Variants in EHMT1 observed in about 807,000 individuals in gnomAD.
EHMT1 encodes euchromatic histone lysine methyltransferase 1, also known as histone-lysine N-methyltransferase EHMT1.
EHMT1 carries 15 observed loss-of-function variants against 147.2 expected under a neutral mutation model. The ratio of observed to expected loss-of-function variants is 0.10; its 90% CI spans 0.07 to 0.16. EHMT1 has a LOEUF of 0.16. Among genes scored for constraint, EHMT1 ranks in the 10% least tolerant of loss-of-function variants. The pLI is 1.00. For synonymous variants in EHMT1, 795 were observed against 709.6 expected, an observed-to-expected ratio of 1.12 and a Z score of -1.91; for missense variants, 1,587 against 1,772.4, an observed-to-expected ratio of 0.90 and a Z score of 1.88.
intron 9 of EHMT1, among the ~76,000 whole-genome samples, chr9:137,761,689 C>T (rs1949832292): frequency 6.6e-6 from 1 of 152,110 alleles, no homozygotes; most frequent in South Asian, 2.1e-4. Context: ...GATCTCCTGA[C>T]CTCGTGATCT....
chr9:137,691,425 G>T lies in EHMT1; in HGVS notation c.22-19542G>T, dbSNP rs559087473. ...ATTCCTGAGCTCAAGTGATCTGCCC[G>T]CCTCAGCCTCCCAAAGTGCTGAGAT... On this transcript the variant is annotated intron_variant, in intron 1 of 26. Coordinates refer to ENST00000460843, the MANE Select transcript of EHMT1 (RefSeq NM_024757.5). Among the ~76,000 whole-genome samples, 17 of 150,860 alleles carry T rather than the reference G, an allele frequency of 1.1e-4. No individual in the cohort carries two copies. The East Asian group carries it at 3.3e-3, about 29-fold the overall frequency.
intron 1 of EHMT1, among the ~76,000 whole-genome samples, chr9:137,654,305 C>T (rs983829335): frequency 5.9e-5 from 9 of 151,806 alleles, no homozygotes; most frequent in South Asian, 2.1e-4. Flanking sequence ...TGGAGGTTGC[C>T]GTGAGCTGAG....
intron 25 of EHMT1, among the ~76,000 whole-genome samples, chr9:137,829,182 C>T (rs1956030352): frequency 6.6e-6 from 1 of 152,236 alleles, no homozygotes; most frequent in South Asian, 2.1e-4. Flanking sequence ...CACACAGGTT[C>T]TTCTCTGATG....
At chr9:137,679,136 A>G (rs1941690170) in intron 1 of EHMT1, among the ~76,000 whole-genome samples, 1 of 152,060 alleles carries the variant, frequency 6.6e-6, no homozygotes, top group Admixed American at 6.5e-5. Flanking sequence ...CTTTTAATAG[A>G]GACGGGGTTT....
At chr9:137,762,146 C>A (rs1949875617) in intron 9 of EHMT1, among the ~76,000 whole-genome samples, 1 of 152,230 alleles carries the variant, frequency 6.6e-6, no homozygotes, top group South Asian at 2.1e-4. Context: ...TTTATCTTTC[C>A]TTGTTTTTCT....
intron 3 of EHMT1, among the ~76,000 whole-genome samples, chr9:137,724,618 A>C (rs1160050829): frequency 6.6e-6 from 1 of 152,230 alleles, no homozygotes; most frequent in East Asian, 1.9e-4. Flanking sequence ...TTGTACCTTC[A>C]TCAATATGTA....
rs953391409 is a variant in EHMT1 at position 137,819,656 on chromosome 9, G to C, written c.3540+1518G>C. Among the ~76,000 whole-genome samples the C allele has an allele frequency of 4.1e-5, 6 of 145,592 alleles. 1 individual carries two copies. The highest frequency in any genetic ancestry group is 8.9e-5 in the Non-Finnish European group (6 of 67,298). On this transcript the variant is annotated intron_variant, in intron 25 of 26. Transcript: ENST00000460843. ...ACCGAGACTGTAGAGAGGCTGAGGG[G>C]GGGGGCGCCGTGTGCCGAGACTGTA...
At chr9:137,817,605 C>T in intron 24 of EHMT1, 80 bp downstream of exon 24, 3 of 1,574,032 alleles carry the variant, frequency 1.9e-6, no homozygotes, top group Middle Eastern at 1.8e-4. Flanking sequence ...TTCAGGAAGC[C>T]CCTCTGGGAG....
intron 10 of EHMT1, among the ~76,000 whole-genome samples, chr9:137,770,039 C>G (rs1202690838): frequency 5.3e-5 from 8 of 152,072 alleles, no homozygotes; most frequent in Non-Finnish European, 4.4e-5. Context: ...GTTTTGTCAT[C>G]TTGCCCAGGC....
chr9:137,654,287 G>T (rs572152908), intron 1 of EHMT1, among the ~76,000 whole-genome samples: 2 of 152,020 alleles, frequency 1.3e-5, no homozygotes, highest in African/African-American at 4.8e-5. Flanking sequence ...TCGCTTGGAC[G>T]TGGGAGATGG....
intron 4 of EHMT1, among the ~76,000 whole-genome samples, chr9:137,739,303 C>T (rs914130269): frequency 2.0e-5 from 3 of 148,660 alleles, no homozygotes; most frequent in Non-Finnish European, 4.4e-5. Context: ...TTGCAGTGAG[C>T]GGAGATCGCA....
At chr9:137,695,001 G>A (rs1943281251) in intron 1 of EHMT1, among the ~76,000 whole-genome samples, 2 of 152,210 alleles carry the variant, frequency 1.3e-5, no homozygotes, top group Admixed American at 1.3e-4. Flanking sequence ...ACACTCACCA[G>A]TTATGTCAAG....
Position 137,777,868 on chromosome 9 carries a change from T to A in EHMT1, c.2019-14T>A, listed in dbSNP as rs1951080153. 1 of 1,612,240 alleles carries A rather than the reference T, an allele frequency of 6.2e-7. No individual in the cohort carries two copies. Among genetic ancestry groups the A allele is most frequent in the Non-Finnish European group, 8.5e-7 (1 of 1,180,006 alleles). The stretch of plus-strand genomic sequence containing the variant: ...GTGTTTTCATAAACCTTTCCCCGAT[T>A]TCCTCCCCTGAAGTGCTGCCGGGCC... On this transcript the variant is annotated splice_polypyrimidine_tract_variant and intron_variant, in intron 12 of 26. Transcript: ENST00000460843.
chr9:137,834,185 G>A (rs575233823), intron 25 of EHMT1, 164 bp from the exon 26 acceptor site: 37 of 891,566 alleles, frequency 4.1e-5, no homozygotes, highest in Middle Eastern at 6.8e-4. Flanking sequence ...GAAGGCTGGC[G>A]GAGGCTCCGC....
chr9:137,744,607 G>A (rs979149668), intron 6 of EHMT1, among the ~76,000 whole-genome samples: 2 of 152,190 alleles, frequency 1.3e-5, no homozygotes, highest in Admixed American at 6.5e-5. Flanking sequence ...CATGAGCCAC[G>A]GCGCCCGCCC....
chr9:137,793,198 G>A (rs1302973427), intron 16 of EHMT1, among the ~76,000 whole-genome samples: 3 of 152,220 alleles, frequency 2.0e-5, no homozygotes, highest in Non-Finnish European at 4.4e-5. Flanking sequence ...CTGATAAGAG[G>A]TTTTTATGCA....
At chr9:137,654,307 T>C (rs1457865176) in intron 1 of EHMT1, among the ~76,000 whole-genome samples, 2 of 151,788 alleles carry the variant, frequency 1.3e-5, no homozygotes, top group Non-Finnish European at 2.9e-5. Context: ...GAGGTTGCCG[T>C]GAGCTGAGTT....
chr9:137,729,362 G>T (rs1255103763), intron 4 of EHMT1, among the ~76,000 whole-genome samples: 1 of 152,216 alleles, frequency 6.6e-6, no homozygotes, highest in African/African-American at 2.4e-5. Flanking sequence ...GCCAAGGCGG[G>T]TGGATCACGA....
chr9:137,736,491 A>T (rs1588444225), intron 4 of EHMT1, among the ~76,000 whole-genome samples: 1 of 152,246 alleles, frequency 6.6e-6, no homozygotes, highest in Non-Finnish European at 1.5e-5. Flanking sequence ...CATACAGAGC[A>T]CTCTGCCCAA....
Sources: allele counts gnomAD v4.1 joint callset (sites outside exome capture counted in the v4.1 genomes callset), GRCh38; gene constraint gnomAD v4.1.1; transcripts MANE v1.5; gene names NCBI Gene and HGNC (gene_info 2026-07-23, HGNC 2026-07-21).